The following ANKDD1A variants were observed in gnomAD, a reference collection of about 807,000 sequenced individuals.
ANKDD1A encodes ankyrin repeat and death domain-containing protein 1A.
ANKDD1A carries 59 observed loss-of-function variants against 63.5 expected under a neutral mutation model. That is an observed-to-expected ratio of 0.93 (90% CI 0.75 to 1.15). The LOEUF (loss-of-function observed/expected upper bound fraction) is 1.15. ANKDD1A is among the 50% of genes most tolerant of loss of function. ANKDD1A has a pLI of 0.00. For missense variants in ANKDD1A, 632 were observed against 656.4 expected, an observed-to-expected ratio of 0.96 and a Z score of 0.41; for synonymous variants, 266 against 263.9, an observed-to-expected ratio of 1.01 and a Z score of -0.08.
At chr15:64,942,674 T>A (rs2085194173) in intron 10 of ANKDD1A, 109 bp downstream of exon 10, 8 of 105,286 alleles carry the variant, frequency 7.6e-5, no homozygotes, top group Admixed American at 3.8e-4. Context: ...AGGAATCACT[T>A]TTTTTTTTTT....
chr15:64,941,415 T>G (rs1296112687), intron 9 of ANKDD1A, among the ~76,000 whole-genome samples: 1 of 152,200 alleles, frequency 6.6e-6, no homozygotes, highest in Admixed American at 6.5e-5. Flanking sequence ...ACCAGCATCT[T>G]GTAAGGGCCT....
intron 3 of ANKDD1A, among the ~76,000 whole-genome samples, chr15:64,920,366 G>A (rs948866379): frequency 2.6e-5 from 4 of 152,132 alleles, no homozygotes; most frequent in Admixed American, 6.6e-5. Flanking sequence ...GCCCTGAGTG[G>A]AGGCATAGAC....
At chr15:64,920,228 G>T (rs920590481) in intron 3 of ANKDD1A, among the ~76,000 whole-genome samples, 34 of 152,292 alleles carry the variant, frequency 2.2e-4, no homozygotes, top group African/African-American at 7.7e-4. Context: ...TCACAGAGAA[G>T]AAAAGACTCC....
intron 3 of ANKDD1A, among the ~76,000 whole-genome samples, chr15:64,921,196 A>G (rs924981496): frequency 1.3e-5 from 2 of 152,194 alleles, no homozygotes; most frequent in African/African-American, 2.4e-5. Flanking sequence ...TCTGGTTTCA[A>G]ACTCCTGGGC....
intron 9 of ANKDD1A, among the ~76,000 whole-genome samples, chr15:64,936,829 G>C (rs1326052368): frequency 2.6e-5 from 4 of 151,994 alleles, no homozygotes; most frequent in Non-Finnish European, 5.9e-5. Flanking sequence ...GGGTAACAGA[G>C]TGAGACCTTA....
At chr15:64,953,906 CTCT>C (rs146073417) in intron 14 of ANKDD1A, among the ~76,000 whole-genome samples, 125,712 of 139,630 alleles carry the variant, frequency 0.9, 57,124 homozygotes, top group East Asian at 0.99. Context: ...TCTTTCTTCC[CTCT>C]TCTTTCTTCT....
At chr15:64,926,000 G>C in intron 4 of ANKDD1A, 66 bp from the exon 5 acceptor site, 1 of 1,427,162 alleles carries the variant, frequency 7.0e-7, no homozygotes, top group Non-Finnish European at 9.7e-7. Context: ...CTGTTTGGGA[G>C]ACTGGCAGTG....
intron 14 of ANKDD1A, among the ~76,000 whole-genome samples, chr15:64,954,016 TTCC>T (rs1464378363): frequency 5.6e-5 from 5 of 88,722 alleles, no homozygotes; most frequent in African/African-American, 2.1e-4. Flanking sequence ...TCTTCCTTCT[TTCC>T]TCTTCTTTTC....
intron 14 of ANKDD1A, among the ~76,000 whole-genome samples, chr15:64,952,721 TCTTCTTC>T (rs1004568081): frequency 1.4e-5 from 2 of 140,182 alleles, no homozygotes; most frequent in African/African-American, 5.5e-5. Context: ...CTTTCTTCTT[TCTTCTTC>T]TCCTTCTTCC....
At chr15:64,945,635 C>CTTTTT (rs1264262046) in intron 12 of ANKDD1A, among the ~76,000 whole-genome samples, 1 of 85,398 alleles carries the variant, frequency 1.2e-5, no homozygotes, top group Non-Finnish European at 2.0e-5. Flanking sequence ...TATATATGAA[C>CTTTTT]TTTTTTTTTT....
At chr15:64,939,920 C>T (rs1227481194) in intron 9 of ANKDD1A, among the ~76,000 whole-genome samples, 1 of 151,998 alleles carries the variant, frequency 6.6e-6, no homozygotes, top group Non-Finnish European at 1.5e-5. Flanking sequence ...ATTTTTGGAT[C>T]TAGGGTTAGG....
intron 4 of ANKDD1A, among the ~76,000 whole-genome samples, chr15:64,923,062 T>C (rs1444426188): frequency 6.6e-6 from 1 of 152,212 alleles, no homozygotes; most frequent in Non-Finnish European, 1.5e-5. Context: ...TAACTTAATT[T>C]CAATATAATT....
At chr15:64,953,670 C>CCTCTT (rs2085355048) in intron 14 of ANKDD1A, among the ~76,000 whole-genome samples, 5 of 36,648 alleles carry the variant, frequency 1.4e-4, no homozygotes, top group South Asian at 1.2e-3. Context: ...TCTTTCTTCT[C>CCTCTT]CTTCTTTTCT....
chr15:64,926,072 C>T lies in ANKDD1A; in HGVS notation c.373C>T (p.Leu125=). ...AKIHCESKDG[L]TLLHCAAQKG... is the part of the protein sequence containing the mutation. ...CTCCTGCACTTGTTTCCAGGATGGC[C>T]TGACCTTACTGCACTGCGCAGCCCA... The change falls in exon 5 of 15, where the codon CTG becomes TTG. Residue 125 remains leucine (L), a synonymous_variant. Coordinates refer to ENST00000319580, the MANE Select transcript of ANKDD1A (RefSeq NM_182703.6). 7 of 1,613,182 alleles carry T rather than the reference C, an allele frequency of 4.3e-6. No homozygotes were observed. Among genetic ancestry groups the T allele is most frequent in the Non-Finnish European group, 5.9e-6 (7 of 1,179,734 alleles).
At chr15:64,944,823 C>T in intron 12 of ANKDD1A, 76 bp downstream of exon 12, 1 of 1,477,292 alleles carries the variant, frequency 6.8e-7, no homozygotes, top group African/African-American at 1.4e-5. Flanking sequence ...TGGCTTTGAA[C>T]CCTAGGCCTG....
rs549130133 is a variant in ANKDD1A, at chr15:64,958,691, A to C, written c.*1503A>C. 90 of 152,344 alleles carry C rather than the reference A, an allele frequency of 5.9e-4. No individual in the cohort carries two copies. Among genetic ancestry groups the C allele is most frequent in the African/African-American group, 2.1e-3 (86 of 41,586 alleles). The allele number at this position is 152,344 out of a possible 1,614,324, so 9.4% of individuals were successfully genotyped here. On this transcript the variant is annotated 3_prime_UTR_variant, in exon 15 of 15. Coordinates refer to ENST00000319580, the MANE Select transcript of ANKDD1A (RefSeq NM_182703.6). ...CAATAAAATTGAAATGTTGAAATAT[A>C]TCTCTCAAATCCAGTACTCATATCT...
At chr15:64,943,603 C>A (rs749519931) in intron 11 of ANKDD1A, 21 bp downstream of exon 11, 191 of 1,611,348 alleles carry the variant, frequency 1.2e-4, no homozygotes, top group Non-Finnish European at 1.6e-4. Flanking sequence ...TTACAACCCA[C>A]CTCGCTTCAG....
At position 64,954,364 on chromosome 15, in the gene ANKDD1A, C is replaced by CT. The variant is rs2085382916; in HGVS notation, c.1484-2737dup. ...CTCCTCTCCTTCTTCTCTTCTTCTCCTTCTTCTTCCTTTTCTTTTCTTCTT... is the reference window on the plus strand; with the variant it reads ...CTCCTCTCCTTCTTCTCTTCTTCTCCTTTCTTCTTCCTTTTCTTTTCTTCTT... On this transcript the variant is annotated intron_variant, in intron 14 of 14. Coordinates refer to ENST00000319580, the MANE Select transcript of ANKDD1A (RefSeq NM_182703.6). Among the ~76,000 whole-genome samples the CT allele has an allele frequency of 4.9e-5, 2 of 41,130 alleles. 1 individual carries two copies. The highest frequency in any genetic ancestry group is 1.9e-3 in the East Asian group (2 of 1,028). 27.0% of individuals were successfully genotyped at this position (41,130 alleles called of 152,430 possible).
At chr15:64,952,521 TTCCTTCGTCTTCTTCTCCTTC>T (rs1381905840) in intron 14 of ANKDD1A, among the ~76,000 whole-genome samples, 1 of 150,076 alleles carries the variant, frequency 6.7e-6, no homozygotes, top group East Asian at 2.0e-4. Flanking sequence ...TACTTTCTTC[TTCCTTCGTCTTCTTCTCCTTC>T]TCCTCCTCCT....
Sources: gnomAD v4.1 joint callset for allele counts (sites outside exome capture counted in the v4.1 genomes callset) on GRCh38, gnomAD v4.1.1 for gene constraint, MANE v1.5 for transcripts, NCBI Gene and HGNC (gene_info 2026-07-23, HGNC 2026-07-21) for gene names.